Variants in LARGE1 observed in about 807,000 individuals in gnomAD.
LARGE1 encodes LARGE xylosyl- and glucuronyltransferase 1, also known as xylosyl- and glucuronyltransferase LARGE1.
Under a neutral mutation model 87.6 loss-of-function variants are expected in LARGE1, and 43 were observed. The observed-to-expected ratio is 0.49, with a 90% confidence interval of 0.38 to 0.63. The LOEUF is 0.63. Ranked by LOEUF, LARGE1 falls within the 30% of genes least tolerant of loss-of-function variation. LARGE1 has a pLI of 0.00. For synonymous variants in LARGE1, 434 were observed against 394.6 expected, an observed-to-expected ratio of 1.10 and a Z score of -1.18; for missense variants, 802 against 1,000.2, an observed-to-expected ratio of 0.80 and a Z score of 2.67.
At chr22:33,352,741 G>A (rs1411553619) in intron 9 of LARGE1, among the ~76,000 whole-genome samples, 1 of 152,016 alleles carries the variant, frequency 6.6e-6, no homozygotes, top group East Asian at 1.9e-4. Flanking sequence ...CAGCCTGGGC[G>A]ACAGAGCAAG....
the LARGE1 span, among the ~76,000 whole-genome samples, chr22:33,101,589 G>A: frequency 2.0e-5 from 3 of 152,274 alleles, no homozygotes; most frequent in South Asian, 2.1e-4. Flanking sequence ...TGGCATTGGC[G>A]TGGGTCTTTG....
intron 6 of LARGE1, among the ~76,000 whole-genome samples, chr22:33,462,451 A>G (rs2068419127): frequency 6.6e-6 from 1 of 151,306 alleles, no homozygotes; most frequent in Admixed American, 6.6e-5. Context: ...GAATAGTGAG[A>G]AAAAAAAACA....
chr22:33,568,055 C>T (rs1048025360), intron 5 of LARGE1, among the ~76,000 whole-genome samples: 7 of 152,116 alleles, frequency 4.6e-5, no homozygotes, highest in Non-Finnish European at 8.8e-5. Flanking sequence ...TAACAAGAAC[C>T]GTGCAGTTAC....
At chr22:33,492,865 A>G (rs889194257) in intron 6 of LARGE1, among the ~76,000 whole-genome samples, 1 of 152,120 alleles carries the variant, frequency 6.6e-6, no homozygotes, top group Non-Finnish European at 1.5e-5. Flanking sequence ...TATCTGATAA[A>G]AGCTGAATCT....
At chr22:33,191,901 G>T (rs563131058) in intron 11 of LARGE1, among the ~76,000 whole-genome samples, 5 of 152,164 alleles carry the variant, frequency 3.3e-5, no homozygotes, top group Non-Finnish European at 7.4e-5. Context: ...CCCCACTAGT[G>T]TATCAACACA....
chr22:33,356,745 G>A (rs1305576896), intron 9 of LARGE1, among the ~76,000 whole-genome samples: 1 of 151,870 alleles, frequency 6.6e-6, no homozygotes, highest in African/African-American at 2.4e-5. Context: ...ACTGTGCCTG[G>A]GCAATAGAGT....
At chr22:33,823,433 T>G (rs1230770886) in intron 1 of LARGE1, among the ~76,000 whole-genome samples, 1 of 152,198 alleles carries the variant, frequency 6.6e-6, no homozygotes, top group Non-Finnish European at 1.5e-5. Context: ...TCAATAAATA[T>G]TCATCTCAGT....
At chr22:33,765,226 A>T (rs1184292941) in intron 1 of LARGE1, among the ~76,000 whole-genome samples, 2 of 152,134 alleles carry the variant, frequency 1.3e-5, no homozygotes, top group Admixed American at 6.5e-5. Flanking sequence ...AGAGGCAAAA[A>T]CACCTCAGGC....
At chr22:33,324,592 G>A (rs992318847) in intron 10 of LARGE1, among the ~76,000 whole-genome samples, 4 of 152,148 alleles carry the variant, frequency 2.6e-5, no homozygotes, top group Admixed American at 6.6e-5. Context: ...AAAATGGCCC[G>A]TTAGGCAGTT....
At chr22:33,807,244 G>T (rs9609873) in intron 1 of LARGE1, among the ~76,000 whole-genome samples, 41,870 of 152,066 alleles carry the variant, frequency 0.28, 5,979 homozygotes, top group East Asian at 0.41. Flanking sequence ...GGACAGTCAT[G>T]TTACCCGCCT....
At chr22:33,216,594 T>A in intron 11 of LARGE1, among the ~76,000 whole-genome samples, 1 of 120,328 alleles carries the variant, frequency 8.3e-6, no homozygotes, top group Admixed American at 8.3e-5. Context: ...TGACACTCCA[T>A]CTCAAAAAAA....
chr22:33,693,260 A>G (rs1469263974), intron 2 of LARGE1, among the ~76,000 whole-genome samples: 1 of 152,182 alleles, frequency 6.6e-6, no homozygotes, highest in Admixed American at 6.5e-5. Flanking sequence ...GAAAGCTGGG[A>G]GGGAGTGAGA....
chr22:33,469,904 T>C (rs983087975), intron 6 of LARGE1, among the ~76,000 whole-genome samples: 1 of 146,626 alleles, frequency 6.8e-6, no homozygotes, highest in Non-Finnish European at 1.5e-5. Context: ...TTTTTTTTTT[T>C]TCTGACACGG....
rs545844629 is a variant in LARGE1, at chr22:33,579,153, G to C, written c.616-14134C>G. ...CATCTTGAATTCCCAGGTGTTGTGG[G>C]AGGGACCTGGTGGGAGGTAATTGAA... On this transcript the variant is annotated intron_variant, in intron 5 of 14. Coordinates refer to ENST00000397394, the MANE Select transcript of LARGE1 (RefSeq NM_133642.5). Among the ~76,000 whole-genome samples the C allele has an allele frequency of 3.9e-5, 6 of 152,294 alleles. No homozygotes were observed. In the South Asian group the frequency reaches 6.2e-4, roughly 16 times the overall value.
In LARGE1 at chr22:33,174,838, G is replaced by T. The variant is rs895599095; in HGVS notation, c.1731-8006C>A. On this transcript the variant is annotated intron_variant, in intron 11 of 11. Coordinates refer to the LARGE1 transcript ENST00000608642. Reference sequence around the variant, plus strand: ...AGACTAATAGCAAGTTCTGAAATTGGGGCCGTAATGAATAGCCTACCAACC... The same window carrying T: ...AGACTAATAGCAAGTTCTGAAATTGTGGCCGTAATGAATAGCCTACCAACC... Among the ~76,000 whole-genome samples the T allele has an allele frequency of 6.6e-5, 10 of 152,158 alleles. No individual in the cohort carries two copies. In the South Asian group the frequency reaches 1.9e-3, roughly 28 times the overall value.
chr22:33,573,690 A>C (rs751318626), intron 5 of LARGE1, among the ~76,000 whole-genome samples: 1 of 152,216 alleles, frequency 6.6e-6, no homozygotes, highest in Non-Finnish European at 1.5e-5. Flanking sequence ...GCAGCAGCTT[A>C]AAACAGCACC....
chr22:33,114,070 G>A, the LARGE1 span, among the ~76,000 whole-genome samples: 1 of 146,404 alleles, frequency 6.8e-6, no homozygotes, highest in African/African-American at 2.6e-5. Flanking sequence ...TAGAGATGAG[G>A]TTTCACTATG....
At chr22:33,606,081 G>C (rs147815275) in intron 4 of LARGE1, among the ~76,000 whole-genome samples, 1,866 of 152,272 alleles carry the variant, frequency 0.012, 40 homozygotes, top group African/African-American at 0.043. Context: ...TTGGAGCAGA[G>C]AAGGACATGA....
At chr22:33,345,857 C>G (rs1163993199) in intron 9 of LARGE1, among the ~76,000 whole-genome samples, 1 of 152,092 alleles carries the variant, frequency 6.6e-6, no homozygotes, top group African/African-American at 2.4e-5. Context: ...GCACTTAGAC[C>G]CCAGAGGGTT....
Sources: gnomAD v4.1 joint callset for allele counts (sites outside exome capture counted in the v4.1 genomes callset) on GRCh38, gnomAD v4.1.1 for gene constraint, MANE v1.5 for transcripts, NCBI Gene and HGNC (gene_info 2026-07-23, HGNC 2026-07-21) for gene names.